SLC39A9: variants seen among roughly 807,000 people sequenced by gnomAD.
SLC39A9 encodes the protein zinc transporter ZIP9.
Under a neutral mutation model 28.4 loss-of-function variants are expected in SLC39A9, and 14 were observed. The ratio of observed to expected loss-of-function variants is 0.49; its 90% CI spans 0.33 to 0.77. The LOEUF (loss-of-function observed/expected upper bound fraction) is 0.77. SLC39A9 is among the 30% of genes least tolerant of loss of function. The probability of loss-of-function intolerance (pLI) is 0.02; values close to 1 mark genes in which losing one functional copy is unlikely to be tolerated. For missense variants in SLC39A9, 283 were observed against 381.1 expected, an observed-to-expected ratio of 0.74 and a Z score of 2.14; for synonymous variants, 119 against 149.6, an observed-to-expected ratio of 0.80 and a Z score of 1.49.
intron 3 of SLC39A9, among the ~76,000 whole-genome samples, chr14:69,444,723 G>A (rs1885212380): frequency 6.6e-6 from 1 of 152,172 alleles, no homozygotes; most frequent in Non-Finnish European, 1.5e-5. Context: ...TTTATCATTG[G>A]AAAATACTTA....
In SLC39A9 at chr14:69,461,932, C is replaced by T. The variant is rs954838071; in HGVS notation, c.*3339C>T. The T allele has an allele frequency of 1.5e-5, 8 of 537,588 alleles. No individual in the cohort carries two copies. Among genetic ancestry groups the T allele is most frequent in the Non-Finnish European group, 1.9e-5 (6 of 313,784 alleles). 33.3% of individuals were successfully genotyped at this position (537,588 alleles called of 1,614,324 possible). On this transcript the variant is annotated 3_prime_UTR_variant, in exon 7 of 7. Transcript: ENST00000336643. ...TTGTTCTGCAGAGGAACCTTCCTTC[C>T]ATTAGAAAATTTCTGCTCAATACAG...
intron 2 of SLC39A9, among the ~76,000 whole-genome samples, chr14:69,434,249 A>G (rs902000041): frequency 1.3e-5 from 2 of 150,868 alleles, no homozygotes; most frequent in Non-Finnish European, 3.0e-5. Flanking sequence ...GCGTCCTGCT[A>G]ATTTTTGTAT....
At chr14:69,413,769 G>A (rs1040226617) in intron 1 of SLC39A9, among the ~76,000 whole-genome samples, 1 of 152,118 alleles carries the variant, frequency 6.6e-6, no homozygotes, top group South Asian at 2.1e-4. Flanking sequence ...TATGCAGTGA[G>A]CATTGTCATG....
At chr14:69,424,362 C>T (rs182994299) in intron 2 of SLC39A9, among the ~76,000 whole-genome samples, 160 bp downstream of exon 2, 1 of 152,202 alleles carries the variant, frequency 6.6e-6, no homozygotes, top group Non-Finnish European at 1.5e-5. Flanking sequence ...GATATTGACA[C>T]ATCCTTAGCA....
At chr14:69,441,500 T>A (rs919940540) in intron 2 of SLC39A9, among the ~76,000 whole-genome samples, 2 of 152,214 alleles carry the variant, frequency 1.3e-5, no homozygotes, top group African/African-American at 2.4e-5. Flanking sequence ...TTTCTAGAAC[T>A]GAATTTAGAC....
intron 2 of SLC39A9, among the ~76,000 whole-genome samples, chr14:69,440,880 G>A (rs986883062): frequency 1.3e-5 from 2 of 152,084 alleles, no homozygotes; most frequent in African/African-American, 4.8e-5. Context: ...CACCATGTTG[G>A]CCTTGATCTC....
Position 69,424,076 on chromosome 14 carries a change from C to A in SLC39A9, c.97-18C>A, listed in dbSNP as rs769487780. The A allele has an allele frequency of 5.0e-6, 8 of 1,597,970 alleles. No individual in the cohort carries two copies. In the Admixed American group the frequency reaches 5.0e-5, roughly 10 times the overall value. On this transcript the variant is annotated intron_variant, in intron 1 of 6. Transcript: ENST00000336643. The stretch of plus-strand genomic sequence containing the variant: ...AATTAATCAAAGTTTGCAATTATTT[C>A]TTTTGCTTTCTCCCCAGGAACGACT...
chr14:69,428,139 G>A (rs575582858), intron 2 of SLC39A9, among the ~76,000 whole-genome samples: 37 of 152,186 alleles, frequency 2.4e-4, no homozygotes, highest in African/African-American at 6.7e-4. Context: ...TTAGCTAGGC[G>A]TGCTGGCGCA....
At chr14:69,447,913 CAAA>C (rs34116080) in intron 3 of SLC39A9, among the ~76,000 whole-genome samples, 7 of 97,106 alleles carry the variant, frequency 7.2e-5, no homozygotes, top group Non-Finnish European at 6.1e-5. Context: ...GCCCTGTCTC[CAAA>C]AAAAAAAAAA....
chr14:69,453,454 CACAA>C, intron 4 of SLC39A9, 145 bp downstream of exon 4: 1 of 651,792 alleles, frequency 1.5e-6, no homozygotes, highest in Non-Finnish European at 2.6e-6. Flanking sequence ...CCAACACAAG[CACAA>C]GCTTGGTGTG....
intron 2 of SLC39A9, among the ~76,000 whole-genome samples, chr14:69,433,124 T>C (rs1206632309): frequency 1.3e-5 from 2 of 152,164 alleles, no homozygotes; most frequent in African/African-American, 2.4e-5. Context: ...TTGGGCAGTA[T>C]GGCCATTTTA....
chr14:69,444,265 A>G (rs1885188968), intron 3 of SLC39A9, among the ~76,000 whole-genome samples: 1 of 152,180 alleles, frequency 6.6e-6, no homozygotes, highest in African/African-American at 2.4e-5. Context: ...TTCAAGTTAA[A>G]GTCACAGACA....
At position 69,454,202 on chromosome 14, in the gene SLC39A9, TTTCA is replaced by T. The variant is rs1302046896; in HGVS notation, c.473-601_473-598del. ...AAGTATAATATGCTTTTCTAACAAA[TTTCA>T]TTCATTCAACCAGTGTTTACTTATT... On this transcript the variant is annotated intron_variant, in intron 4 of 6. Coordinates refer to ENST00000336643, the MANE Select transcript of SLC39A9 (RefSeq NM_018375.5). Among the ~76,000 whole-genome samples the T allele has an allele frequency of 1.1e-4, 17 of 152,348 alleles. No homozygotes were observed. The South Asian group carries it at 3.1e-3, about 28-fold the overall frequency.
intron 1 of SLC39A9, among the ~76,000 whole-genome samples, chr14:69,422,365 G>A (rs1883947940): frequency 6.6e-6 from 1 of 152,118 alleles, no homozygotes; most frequent in Non-Finnish European, 1.5e-5. Flanking sequence ...GGGACAACAG[G>A]TACGTACTAC....
At chr14:69,409,336 TTTG>T (rs529090212) in intron 1 of SLC39A9, among the ~76,000 whole-genome samples, 164 of 152,220 alleles carry the variant, frequency 1.1e-3, no homozygotes, top group African/African-American at 2.3e-3. Context: ...GTTCTAGTCA[TTTG>T]TTGTTGTTGT....
chr14:69,399,059 C>T lies in SLC39A9; in HGVS notation c.-311C>T. The T allele has an allele frequency of 9.9e-6, 3 of 304,398 alleles. No individual in the cohort carries two copies. Among genetic ancestry groups the T allele is most frequent in the Non-Finnish European group, 1.8e-5 (3 of 164,762 alleles). The allele number at this position is 304,398 out of a possible 1,614,324, so 18.9% of individuals were successfully genotyped here. Reference sequence around the variant, plus strand: ...GACAATCGAAGAAATCGATCATTCGCACATTTTCCCCATTGACTTTTCCCA... The same window carrying T: ...GACAATCGAAGAAATCGATCATTCGTACATTTTCCCCATTGACTTTTCCCA... On this transcript the variant is annotated 5_prime_UTR_variant, in exon 1 of 7. Coordinates refer to ENST00000336643, the MANE Select transcript of SLC39A9 (RefSeq NM_018375.5).
intron 1 of SLC39A9, among the ~76,000 whole-genome samples, chr14:69,422,237 T>C (rs1009115706): frequency 6.6e-6 from 1 of 152,152 alleles, no homozygotes; most frequent in Non-Finnish European, 1.5e-5. Context: ...AAACAACATA[T>C]ATAATTATTC....
At chr14:69,448,446 CT>C (rs1204581378) in intron 3 of SLC39A9, among the ~76,000 whole-genome samples, 4 of 152,070 alleles carry the variant, frequency 2.6e-5, no homozygotes, top group Admixed American at 2.6e-4. Context: ...CATCCTGCAC[CT>C]CTAGATGTGA....
intron 1 of SLC39A9, among the ~76,000 whole-genome samples, chr14:69,401,113 C>T (rs1044104399): frequency 1.3e-5 from 2 of 152,066 alleles, no homozygotes; most frequent in African/African-American, 4.8e-5. Flanking sequence ...CAGACTAGTT[C>T]GTAGCCACTA....
Sources: gnomAD v4.1 joint callset for allele counts (sites outside exome capture counted in the v4.1 genomes callset) on GRCh38, gnomAD v4.1.1 for gene constraint, MANE v1.5 for transcripts, NCBI Gene and HGNC (gene_info 2026-07-23, HGNC 2026-07-21) for gene names.